TBC1D32: variants seen among roughly 807,000 people sequenced by gnomAD.
TBC1D32 encodes TBC1 domain family member 32, also known as protein broad-minded.
In TBC1D32, 151 loss-of-function variants were observed where a neutral mutation model predicts 170.3. That is an observed-to-expected ratio of 0.89 (90% CI 0.78 to 1.01). TBC1D32 has a LOEUF of 1.01. Ranked by LOEUF, TBC1D32 falls within the 50% of genes least tolerant of loss-of-function variation. The probability of loss-of-function intolerance (pLI) is 0.00; values close to 1 mark genes in which losing one functional copy is unlikely to be tolerated. For synonymous variants in TBC1D32, 498 were observed against 488.0 expected (o/e 1.02, Z -0.27); for missense variants, 1,464 against 1,457.1 (o/e 1.00, Z -0.08).
chr6:121,134,178 T>C (rs1252350889), intron 24 of TBC1D32, among the ~76,000 whole-genome samples: 1 of 152,134 alleles, frequency 6.6e-6, no homozygotes, highest in African/African-American at 2.4e-5. Context: ...TGCAGTTTTT[T>C]CATCTTTGTT....
Position 121,080,854 on chromosome 6 carries a change from A to G in TBC1D32, c.3691T>C (p.Phe1231Leu). 6.2e-7 allele frequency: 1 copy of G among 1,613,968 alleles called. No homozygotes were observed. Among genetic ancestry groups the G allele is most frequent in the South Asian group, 1.1e-5 (1 of 91,076 alleles). Residue 1231 changes from phenylalanine to leucine, a missense_variant, in exon 32 of 32, where the codon TTT becomes CTT. This residue lies in a region of TBC1D32 where 97 missense variants were observed against 102.0 expected (regional missense o/e 0.95). Coordinates refer to ENST00000398212, the MANE Select transcript of TBC1D32 (RefSeq NM_152730.6). ...ALHGFRVSDYFEYMEILEQNY... is the reference protein window; with the variant it reads ...ALHGFRVSDYLEYMEILEQNY... Reference sequence around the variant, plus strand: ...TGTTCCAAAATTTCCATGTATTCAAAATAATCACTCACTCGAAACCCATGC... The same window carrying G: ...TGTTCCAAAATTTCCATGTATTCAAGATAATCACTCACTCGAAACCCATGC...
At chr6:121,212,824 C>G (rs1317678447) in intron 21 of TBC1D32, among the ~76,000 whole-genome samples, 1 of 152,154 alleles carries the variant, frequency 6.6e-6, no homozygotes, top group Non-Finnish European at 1.5e-5. Flanking sequence ...AAACAAAATA[C>G]AGCAGCACAT....
intron 22 of TBC1D32, among the ~76,000 whole-genome samples, chr6:121,189,821 C>G (rs1411310232): frequency 6.6e-6 from 1 of 152,060 alleles, no homozygotes; most frequent in Non-Finnish European, 1.5e-5. Context: ...GTTTTCCCAT[C>G]AGTCCTGAAG....
intron 15 of TBC1D32, among the ~76,000 whole-genome samples, chr6:121,259,858 A>AT (rs1054693463): frequency 3.7e-4 from 56 of 152,330 alleles, no homozygotes; most frequent in African/African-American, 1.3e-3. Context: ...TGACCTCCAG[A>AT]TTCCCCCCAA....
intron 22 of TBC1D32, among the ~76,000 whole-genome samples, chr6:121,198,643 C>T (rs1313859551): frequency 1.3e-5 from 2 of 150,684 alleles, no homozygotes; most frequent in Admixed American, 6.6e-5. Context: ...CCCAGCTACT[C>T]GGGAGGCTGA....
At chr6:121,281,755 G>A (rs1468079979) in intron 13 of TBC1D32, 69 bp from the exon 14 acceptor site, 11 of 1,293,160 alleles carry the variant, frequency 8.5e-6, no homozygotes, top group Non-Finnish European at 1.1e-5. Flanking sequence ...GTTAGCTGTT[G>A]TTGTTCCAAA....
In TBC1D32 at chr6:121,080,599, A is replaced by T. The variant is rs1775543379; in HGVS notation, c.*172T>A. 1.3e-6 allele frequency: 1 copy of T among 792,116 alleles called. No homozygotes were observed. The highest frequency in any genetic ancestry group is 3.6e-5 in the Admixed American group (1 of 27,914). The allele number at this position is 792,116 out of a possible 1,614,324, so 49.1% of individuals were successfully genotyped here. On this transcript the variant is annotated 3_prime_UTR_variant, in exon 32 of 32. Coordinates refer to ENST00000398212, the MANE Select transcript of TBC1D32 (RefSeq NM_152730.6). ...CCTTACAAAACAACAAATTTACAAAAATGAATTCACAAATTGAGCTCATAC... is the reference window on the plus strand; with the variant it reads ...CCTTACAAAACAACAAATTTACAAATATGAATTCACAAATTGAGCTCATAC...
Position 121,317,597 on chromosome 6 carries a change from T to C in TBC1D32, c.393A>G (p.Glu131=), listed in dbSNP as rs1253956410. The C allele has an allele frequency of 6.2e-7, 1 of 1,612,916 alleles. No individual in the cohort carries two copies. The highest frequency in any genetic ancestry group is 8.5e-7 in the Non-Finnish European group (1 of 1,179,368). The stretch of plus-strand genomic sequence containing the variant: ...GCCTTTCTTGATTTCGTGTCTCATC[T>C]TCTTCAAACTTGTTAATCATAGACT... The part of the protein sequence containing the change: ...VVESMINKFE[E]DETRNQERQK... Residue 131 remains glutamate, a synonymous_variant, in exon 3 of 32, where the codon GAA becomes GAG. Coordinates refer to ENST00000398212, the MANE Select transcript of TBC1D32 (RefSeq NM_152730.6).
intron 31 of TBC1D32, among the ~76,000 whole-genome samples, chr6:121,082,032 G>A (rs575519941): frequency 4.6e-5 from 7 of 152,026 alleles, no homozygotes; most frequent in African/African-American, 1.4e-4. Flanking sequence ...ACCTTCCAAT[G>A]TAAGTATCTG....
rs76417072 is a variant in TBC1D32, at chr6:121,100,536, A to G, written c.3465+5487T>C. Among the ~76,000 whole-genome samples the G allele has an allele frequency of 2.7e-3, 406 of 152,218 alleles. 16 individuals carry two copies. In the East Asian group the frequency reaches 0.065, roughly 24 times the overall value. ...AGAAATAAAGATGTTCTTTGAAACC[A>G]ATGAGAACAAAGACACAACATACCA... is the stretch of plus-strand genomic sequence containing the variant. On this transcript the variant is annotated intron_variant, in intron 30 of 31. Transcript: ENST00000398212.
intron 15 of TBC1D32, among the ~76,000 whole-genome samples, chr6:121,275,297 G>C (rs1802067016): frequency 6.6e-6 from 1 of 152,038 alleles, no homozygotes; most frequent in Admixed American, 6.5e-5. Flanking sequence ...ATCAAAAATA[G>C]CTGAAAGTAG....
chr6:121,330,323 T>C (rs1018715865), intron 1 of TBC1D32, among the ~76,000 whole-genome samples: 1 of 152,186 alleles, frequency 6.6e-6, no homozygotes, highest in African/African-American at 2.4e-5. Context: ...TGTGAGCCAC[T>C]GAGCCCAGCC....
At chr6:121,308,686 C>CT (rs67847088) in intron 4 of TBC1D32, among the ~76,000 whole-genome samples, 6 of 112,572 alleles carry the variant, frequency 5.3e-5, no homozygotes, top group African/African-American at 1.9e-4. Flanking sequence ...AAGCTTACTT[C>CT]TTTTTTTTTT....
chr6:121,240,125 C>T (rs1419193863), intron 19 of TBC1D32, among the ~76,000 whole-genome samples: 1 of 152,042 alleles, frequency 6.6e-6, no homozygotes, highest in Non-Finnish European at 1.5e-5. Context: ...CCTACGACAT[C>T]GGAGAAGCTC....
At chr6:121,107,198 T>C (rs1246371828) in intron 29 of TBC1D32, among the ~76,000 whole-genome samples, 1 of 151,932 alleles carries the variant, frequency 6.6e-6, no homozygotes, top group Non-Finnish European at 1.5e-5. Context: ...CTCATAGCAA[T>C]TATATGAGTT....
chr6:121,108,710 T>C (rs908804157), intron 29 of TBC1D32, among the ~76,000 whole-genome samples: 1 of 152,040 alleles, frequency 6.6e-6, no homozygotes, highest in Non-Finnish European at 1.5e-5. Flanking sequence ...ATAGATCTTT[T>C]GGGGAGTCAT....
intron 15 of TBC1D32, among the ~76,000 whole-genome samples, chr6:121,270,911 C>T (rs12525057): frequency 0.12 from 17,640 of 152,086 alleles, 1,488 homozygotes; most frequent in Admixed American, 0.23. Context: ...AGCTTATCCA[C>T]CACAAACAAG....
At chr6:121,151,616 C>G (rs1441804661) in intron 24 of TBC1D32, among the ~76,000 whole-genome samples, 1 of 152,088 alleles carries the variant, frequency 6.6e-6, no homozygotes, top group East Asian at 1.9e-4. Context: ...AAGTCTCCCA[C>G]TATTATTGTG....
At chr6:121,290,701 A>G (rs377477734) in intron 12 of TBC1D32, among the ~76,000 whole-genome samples, 4,585 of 151,338 alleles carry the variant, frequency 0.03, 153 homozygotes, top group East Asian at 0.11. Flanking sequence ...ACATGCACAC[A>G]TATGTTTATT....
Sources: allele counts gnomAD v4.1 joint callset (sites outside exome capture counted in the v4.1 genomes callset), GRCh38; gene constraint gnomAD v4.1.1; regional missense constraint gnomAD v4.1.1; transcripts MANE v1.5; gene names NCBI Gene and HGNC (gene_info 2026-07-23, HGNC 2026-07-21).